VPS13D: variants seen among roughly 807,000 people sequenced by gnomAD.
VPS13D encodes the protein intermembrane lipid transfer protein VPS13D.
Under a neutral mutation model 461.9 loss-of-function variants are expected in VPS13D, and 187 were observed. That is an observed-to-expected ratio of 0.40 (90% CI 0.36 to 0.46). VPS13D has a LOEUF of 0.46. VPS13D is among the 20% of genes least tolerant of loss of function. The pLI is 0.60. For synonymous variants in VPS13D, 1,951 were observed against 1,986.3 expected, an observed-to-expected ratio of 0.98 and a Z score of 0.47; for missense variants, 4,711 against 5,364.9, an observed-to-expected ratio of 0.88 and a Z score of 3.81.
intron 23 of VPS13D, among the ~76,000 whole-genome samples, chr1:12,292,689 T>C (rs1642169137): frequency 6.6e-6 from 1 of 152,134 alleles, no homozygotes; most frequent in Non-Finnish European, 1.5e-5. Flanking sequence ...TCTACCGGCC[T>C]CGGCCTCCCA....
chr1:12,411,975 A>G (rs961059461), intron 63 of VPS13D, among the ~76,000 whole-genome samples: 4 of 152,198 alleles, frequency 2.6e-5, no homozygotes, highest in Admixed American at 6.5e-5. Flanking sequence ...CTCGCATCCT[A>G]TTGGCTGAAG....
chr1:12,500,304 C>T, intron 68 of VPS13D: 1 of 871,128 alleles, frequency 1.1e-6, no homozygotes, highest in African/African-American at 1.8e-5. Flanking sequence ...ATTGTCATTG[C>T]TTCCCATCTT....
chr1:12,410,619 G>A (rs1205391478), intron 63 of VPS13D, among the ~76,000 whole-genome samples: 2 of 151,918 alleles, frequency 1.3e-5, no homozygotes, highest in Non-Finnish European at 2.9e-5. Context: ...TACTATGAAG[G>A]TATCTAAGAA....
In VPS13D at chr1:12,489,734, G is replaced by A. The variant is rs563757263; in HGVS notation, c.12663-7766G>A. 2.0e-5 allele frequency among the ~76,000 whole-genome samples: 3 copies of A among 152,292 alleles called. 1 individual carries two copies. The South Asian group carries it at 6.2e-4, about 32-fold the overall frequency. On this transcript the variant is annotated intron_variant, in intron 67 of 69. Transcript: ENST00000620676. ...AATACACTAATAAAAAGAATAGGTA[G>A]CATTTTATCGAGTGCCTATTATGTG...
At chr1:12,294,294 A>C (rs1642214069) in intron 24 of VPS13D, among the ~76,000 whole-genome samples, 1 of 152,242 alleles carries the variant, frequency 6.6e-6, no homozygotes, top group Non-Finnish European at 1.5e-5. Context: ...GTATTGCATA[A>C]CTTCTCAAAC....
chr1:12,261,573 A>G (rs1438712074), intron 12 of VPS13D, among the ~76,000 whole-genome samples: 1 of 152,272 alleles, frequency 6.6e-6, no homozygotes, highest in Non-Finnish European at 1.5e-5. Flanking sequence ...CCCAGTGCTC[A>G]GTAGCCACAT....
intron 63 of VPS13D, among the ~76,000 whole-genome samples, chr1:12,410,974 G>A (rs1644719090): frequency 6.6e-6 from 1 of 152,182 alleles, no homozygotes; most frequent in East Asian, 1.9e-4. Context: ...CATCTGTTTA[G>A]GTCTATCTGG....
intron 1 of VPS13D, among the ~76,000 whole-genome samples, chr1:12,232,739 G>A (rs1640020890): frequency 6.8e-6 from 1 of 147,958 alleles, no homozygotes; most frequent in Admixed American, 6.9e-5. Flanking sequence ...TGGAGCCAGA[G>A]GATTTCTGGA....
chr1:12,445,420 A>G (rs1645180216), intron 65 of VPS13D, among the ~76,000 whole-genome samples: 1 of 152,260 alleles, frequency 6.6e-6, no homozygotes, highest in Non-Finnish European at 1.5e-5. Context: ...TCCATAGTCC[A>G]GGACTTTTCA....
intron 67 of VPS13D, among the ~76,000 whole-genome samples, chr1:12,481,211 G>A (rs1289375805): frequency 6.6e-6 from 1 of 152,220 alleles, no homozygotes; most frequent in Non-Finnish European, 1.5e-5. Flanking sequence ...GCCCAGGCAG[G>A]GGCCCAGGGC....
chr1:12,333,076 A>T, intron 37 of VPS13D, 150 bp from the exon 38 acceptor site: 2 of 882,932 alleles, frequency 2.3e-6, no homozygotes, highest in Non-Finnish European at 3.4e-6. Context: ...ACCTGTAGCT[A>T]AAGGTGGTTG....
At chr1:12,230,517 C>G (rs943723855) in intron 1 of VPS13D, among the ~76,000 whole-genome samples, 9 of 152,074 alleles carry the variant, frequency 5.9e-5, no homozygotes, top group African/African-American at 2.2e-4. Flanking sequence ...GGTGTCAGTC[C>G]GCGCCTGTCC....
chr1:12,267,990 C>T, intron 15 of VPS13D, 70 bp downstream of exon 15: 1 of 1,303,482 alleles, frequency 7.7e-7, no homozygotes, highest in South Asian at 1.3e-5. Flanking sequence ...GAGACAGGGC[C>T]TCGCTCTGTC....
At chr1:12,251,622 A>G (rs1340116290) in intron 6 of VPS13D, among the ~76,000 whole-genome samples, 3 of 152,162 alleles carry the variant, frequency 2.0e-5, no homozygotes, top group African/African-American at 4.8e-5. Context: ...ACTTGATCCC[A>G]TACACTGGCT....
chr1:12,253,145 C>T (rs1239885658), intron 6 of VPS13D, among the ~76,000 whole-genome samples: 5 of 142,976 alleles, frequency 3.5e-5, no homozygotes, highest in African/African-American at 1.3e-4. Context: ...GCAACAAGAT[C>T]GAAACTCCAT....
intron 59 of VPS13D, among the ~76,000 whole-genome samples, 159 bp from the exon 60 acceptor site, chr1:12,386,026 T>G (rs1644347061): frequency 6.6e-6 from 1 of 152,194 alleles, no homozygotes; most frequent in Admixed American, 6.5e-5. Context: ...TGATAGCATT[T>G]GAGCCCTCCA....
chr1:12,433,366 G>A (rs1169240856), intron 65 of VPS13D, among the ~76,000 whole-genome samples: 3 of 152,098 alleles, frequency 2.0e-5, no homozygotes, highest in African/African-American at 7.2e-5. Flanking sequence ...CCCTGCTGGC[G>A]CCATTCCTCC....
At chr1:12,483,426 G>A (rs1335096370) in intron 67 of VPS13D, among the ~76,000 whole-genome samples, 2 of 151,680 alleles carry the variant, frequency 1.3e-5, no homozygotes, top group East Asian at 3.9e-4. Context: ...ATTACATTGC[G>A]TATTCTTTGC....
chr1:12,437,256 C>A (rs1001466124), intron 65 of VPS13D, among the ~76,000 whole-genome samples: 13 of 152,134 alleles, frequency 8.5e-5, no homozygotes, highest in African/African-American at 2.9e-4. Flanking sequence ...CCTAATATCT[C>A]CATCTAGAGT....
Sources: gnomAD v4.1 joint callset for allele counts (sites outside exome capture counted in the v4.1 genomes callset) on GRCh38, gnomAD v4.1.1 for gene constraint, MANE v1.5 for transcripts, NCBI Gene and HGNC (gene_info 2026-07-23, HGNC 2026-07-21) for gene names.